NCOA2: variants seen among roughly 807,000 people sequenced by gnomAD.
NCOA2 encodes nuclear receptor coactivator 2, also known as class E basic helix-loop-helix protein 75.
NCOA2 carries 21 observed loss-of-function variants against 145.1 expected under a neutral mutation model. That is an observed-to-expected ratio of 0.14 (90% CI 0.10 to 0.21). The LOEUF (loss-of-function observed/expected upper bound fraction) is 0.21. Among genes scored for constraint, NCOA2 ranks in the 10% least tolerant of loss-of-function variants. NCOA2 has a pLI of 1.00. For missense variants in NCOA2, 1,472 were observed against 1,837.6 expected (o/e 0.80, Z 3.64); for synonymous variants, 619 against 637.5 (o/e 0.97, Z 0.44).
intron 4 of NCOA2, 78 bp from the exon 5 acceptor site, chr8:70,174,937 T>C: frequency 1.5e-6 from 2 of 1,344,610 alleles, no homozygotes; most frequent in South Asian, 1.2e-5. Flanking sequence ...TTTACTGTAA[T>C]GATTTTTAAA....
intron 11 of NCOA2, among the ~76,000 whole-genome samples, chr8:70,152,443 C>T (rs1238797885): frequency 6.6e-6 from 1 of 152,306 alleles, no homozygotes; most frequent in Middle Eastern, 3.4e-3. Flanking sequence ...TACAATTCTA[C>T]CACATCTGGA....
chr8:70,330,511 C>T (rs897723706), intron 1 of NCOA2, among the ~76,000 whole-genome samples: 3 of 149,994 alleles, frequency 2.0e-5, no homozygotes, highest in Non-Finnish European at 3.0e-5. Flanking sequence ...GTCTAGGCTA[C>T]AGTAGGCTCC....
chr8:70,214,584 CCAAA>C (rs1291769697), intron 3 of NCOA2, among the ~76,000 whole-genome samples: 1 of 152,040 alleles, frequency 6.6e-6, no homozygotes, highest in African/African-American at 2.4e-5. Flanking sequence ...AGTAAGCAAA[CCAAA>C]CAGCCTTTTT....
At chr8:70,295,851 A>C (rs957724722) in intron 2 of NCOA2, among the ~76,000 whole-genome samples, 1 of 152,216 alleles carries the variant, frequency 6.6e-6, no homozygotes, top group Non-Finnish European at 1.5e-5. Context: ...AGGCTGAGGC[A>C]GGAGAATCGC....
chr8:70,288,047 G>A (rs1482970444), intron 2 of NCOA2, among the ~76,000 whole-genome samples: 7 of 152,034 alleles, frequency 4.6e-5, no homozygotes, highest in Non-Finnish European at 1.0e-4. Flanking sequence ...GCAAATCACT[G>A]GGCAAGTTAT....
At chr8:70,226,097 G>A (rs1216578036) in intron 2 of NCOA2, among the ~76,000 whole-genome samples, 1 of 151,868 alleles carries the variant, frequency 6.6e-6, no homozygotes, top group East Asian at 1.9e-4. Flanking sequence ...AATTTAAAAA[G>A]AAAATTAAAA....
At chr8:70,316,789 C>T (rs1274597657) in intron 1 of NCOA2, among the ~76,000 whole-genome samples, 3 of 152,144 alleles carry the variant, frequency 2.0e-5, no homozygotes, top group Admixed American at 6.6e-5. Flanking sequence ...AAAATAAAAG[C>T]CAATCAAATC....
chr8:70,349,155 AT>A (rs1353197447), intron 1 of NCOA2, among the ~76,000 whole-genome samples: 1 of 152,208 alleles, frequency 6.6e-6, no homozygotes, highest in East Asian at 1.9e-4. Flanking sequence ...TTGAGGTAAA[AT>A]GACGAGTAAC....
the NCOA2 span, among the ~76,000 whole-genome samples, chr8:70,420,845 A>G: frequency 6.6e-6 from 1 of 152,064 alleles, no homozygotes; most frequent in African/African-American, 2.4e-5. Context: ...GGGTTTCACC[A>G]TGTTGGCCAG....
intron 4 of NCOA2, among the ~76,000 whole-genome samples, chr8:70,212,837 T>A (rs1159449356): frequency 6.6e-6 from 1 of 151,986 alleles, no homozygotes; most frequent in Non-Finnish European, 1.5e-5. Context: ...ATCCCAGCCC[T>A]TTGGGAGGCC....
chr8:70,113,697 C>A (rs1353543523), intron 22 of NCOA2, 54 bp from the exon 23 acceptor site: 30 of 1,496,052 alleles, frequency 2.0e-5, no homozygotes, highest in Admixed American at 2.0e-5. Context: ...TTGAAAAAAA[C>A]ATCATAAAGC....
intron 2 of NCOA2, among the ~76,000 whole-genome samples, chr8:70,229,744 C>T (rs1009752313): frequency 2.6e-5 from 4 of 152,168 alleles, no homozygotes; most frequent in African/African-American, 9.7e-5. Flanking sequence ...GTCAGAAATG[C>T]ACTCTCTGGC....
At chr8:70,233,709 C>T (rs117844212) in intron 2 of NCOA2, among the ~76,000 whole-genome samples, 12,313 of 152,248 alleles carry the variant, frequency 0.081, 696 homozygotes, top group Middle Eastern at 0.15. Context: ...TTGTGGCTTT[C>T]ATGACACAAC....
chr8:70,318,193 A>C (rs1805766055), intron 1 of NCOA2, among the ~76,000 whole-genome samples: 1 of 152,224 alleles, frequency 6.6e-6, no homozygotes, highest in Non-Finnish European at 1.5e-5. Context: ...CCTATTTGTT[A>C]ATGTGCCCCA....
intron 1 of NCOA2, among the ~76,000 whole-genome samples, chr8:70,371,145 C>A (rs189979390): frequency 6.6e-6 from 1 of 151,892 alleles, no homozygotes; most frequent in Admixed American, 6.6e-5. Context: ...AAAAATCAGC[C>A]GGGCGTGGTG....
chr8:70,183,790 A>G lies in NCOA2; in HGVS notation c.260-8931T>C, dbSNP rs1006780463. On this transcript the variant is annotated intron_variant, in intron 4 of 22. Transcript: ENST00000452400. ...ACATTCCCCTCACCATTTTGAAATG[A>G]TCTATTTTCATGTCTGTCCCTTTTC... 5.9e-5 allele frequency among the ~76,000 whole-genome samples: 9 copies of G among 152,224 alleles called. No individual in the cohort carries two copies. The East Asian group carries it at 1.5e-3, about 26-fold the overall frequency.
At chr8:70,174,060 T>C (rs939505710) in intron 5 of NCOA2, among the ~76,000 whole-genome samples, 1 of 152,206 alleles carries the variant, frequency 6.6e-6, no homozygotes, top group Non-Finnish European at 1.5e-5. Flanking sequence ...TTTCTTGTTA[T>C]ATATTCACTG....
In NCOA2 at chr8:70,323,223, T is replaced by C. The variant is rs765675572; in HGVS notation, c.-76-26423A>G. 5.7e-4 allele frequency among the ~76,000 whole-genome samples: 87 copies of C among 152,288 alleles called. 2 individuals are homozygous for C. Among genetic ancestry groups the C allele is most frequent in the East Asian group, 1.9e-4 (1 of 5,184 alleles). On this transcript the variant is annotated intron_variant, in intron 1 of 22. Coordinates refer to ENST00000452400, the MANE Select transcript of NCOA2 (RefSeq NM_006540.4). ...TTGCATTCACATCAATAATCAAACA[T>C]AATCCCTGCCTGAGTAGAGTTTACC...
chr8:70,354,815 TAAGC>T (rs1386047217), intron 1 of NCOA2, among the ~76,000 whole-genome samples: 1 of 152,234 alleles, frequency 6.6e-6, no homozygotes, highest in Non-Finnish European at 1.5e-5. Flanking sequence ...GAACTTCACT[TAAGC>T]AAGACTGGGA....
Sources: allele counts gnomAD v4.1 joint callset (sites outside exome capture counted in the v4.1 genomes callset), GRCh38; gene constraint gnomAD v4.1.1; transcripts MANE v1.5; gene names NCBI Gene and HGNC (gene_info 2026-07-23, HGNC 2026-07-21).